The following SSBP3 variants were observed in gnomAD, a reference collection of about 807,000 sequenced individuals.
The protein encoded by SSBP3 is single-stranded DNA-binding protein 3.
A neutral mutation model predicts 69.6 loss-of-function variants in SSBP3; 5 were observed. The ratio of observed to expected loss-of-function variants is 0.07; its 90% CI spans 0.04 to 0.15. The LOEUF is 0.15. Ranked by LOEUF, SSBP3 falls within the 10% of genes least tolerant of loss-of-function variation. The pLI is 1.00. For synonymous variants in SSBP3, 196 were observed against 193.4 expected (o/e 1.01, Z -0.11); for missense variants, 312 against 534.0 (o/e 0.58, Z 4.10).
chr1:54,257,090 T>C, intron 7 of SSBP3, 37 bp downstream of exon 7: 1 of 1,587,378 alleles, frequency 6.3e-7, no homozygotes, highest in Non-Finnish European at 8.6e-7. Flanking sequence ...CAAGGATGGC[T>C]GAGGGAGGGG....
chr1:54,362,771 G>C (rs1646969338), intron 4 of SSBP3, among the ~76,000 whole-genome samples: 1 of 152,194 alleles, frequency 6.6e-6, no homozygotes, highest in African/African-American at 2.4e-5. Flanking sequence ...ACATTTGTCT[G>C]AGCATCTGAG....
intron 4 of SSBP3, among the ~76,000 whole-genome samples, chr1:54,391,948 C>A (rs1207409524): frequency 2.0e-5 from 3 of 152,158 alleles, no homozygotes; most frequent in Non-Finnish European, 4.4e-5. Context: ...GGACAGGCTG[C>A]AAACTCCTCC....
chr1:54,258,175 G>A lies in SSBP3; in HGVS notation c.367-26C>T, dbSNP rs1216432123. ...CTGTGAGGCCAGACAGTAGAGGCAGGTTATAGATCACAGCACATGGAGAAG... is the reference window on the plus strand; with the variant it reads ...CTGTGAGGCCAGACAGTAGAGGCAGATTATAGATCACAGCACATGGAGAAG... On this transcript the variant is annotated intron_variant, in intron 5 of 17. Transcript: ENST00000610401. The surrounding 1 kb of genome is among the most constrained non-coding windows in gnomAD (Gnocchi z 4.5). The A allele has an allele frequency of 8.3e-6, 12 of 1,437,324 alleles. No individual in the cohort carries two copies. The highest frequency in any genetic ancestry group is 9.3e-6 in the Non-Finnish European group (10 of 1,078,842). The allele number at this position is 1,437,324 out of a possible 1,614,324, so 89.0% of individuals were successfully genotyped here. A position where few individuals can be genotyped will look rare whatever the true frequency, so the allele number is the denominator to read the frequency against.
intron 4 of SSBP3, among the ~76,000 whole-genome samples, chr1:54,281,941 A>C (rs1216945705): frequency 6.6e-6 from 1 of 152,054 alleles, no homozygotes; most frequent in East Asian, 1.9e-4. Context: ...TACAAAAAAT[A>C]AAAAATTAGC....
At chr1:54,353,806 C>A (rs1054032532) in intron 4 of SSBP3, among the ~76,000 whole-genome samples, 3 of 152,206 alleles carry the variant, frequency 2.0e-5, no homozygotes, top group African/African-American at 7.2e-5. Context: ...ACCTTCTATA[C>A]CAAGAAACCA....
chr1:54,231,777 C>T (rs1644383045), intron 14 of SSBP3, among the ~76,000 whole-genome samples: 1 of 152,174 alleles, frequency 6.6e-6, no homozygotes, highest in African/African-American at 2.4e-5. Context: ...TCACTGCAAC[C>T]TCCGCCTCCT....
chr1:54,341,397 G>C (rs1326125491), intron 4 of SSBP3, among the ~76,000 whole-genome samples: 1 of 152,118 alleles, frequency 6.6e-6, no homozygotes, highest in Non-Finnish European at 1.5e-5. Context: ...CATACCTTGA[G>C]AAACCTTAAA....
chr1:54,356,066 C>T (rs1288936367), intron 4 of SSBP3, among the ~76,000 whole-genome samples: 2 of 152,210 alleles, frequency 1.3e-5, no homozygotes, highest in African/African-American at 2.4e-5. Context: ...CCAACCCCTA[C>T]ATCTTCTCCA....
At chr1:54,231,945 C>T (rs1352661681) in intron 14 of SSBP3, among the ~76,000 whole-genome samples, 2 of 152,126 alleles carry the variant, frequency 1.3e-5, no homozygotes, top group African/African-American at 2.4e-5. Flanking sequence ...CCACCTGTTT[C>T]GGCCTCCCAA....
chr1:54,255,180 G>A (rs1314532062), intron 7 of SSBP3, among the ~76,000 whole-genome samples: 1 of 151,704 alleles, frequency 6.6e-6, no homozygotes, highest in Admixed American at 6.6e-5. Context: ...TGGTTGGCAG[G>A]GAGGTTGGGA....
intron 4 of SSBP3, among the ~76,000 whole-genome samples, chr1:54,362,433 G>T (rs1375471144): frequency 6.6e-6 from 1 of 152,196 alleles, no homozygotes; most frequent in Non-Finnish European, 1.5e-5. Flanking sequence ...GGGCCCCCAG[G>T]GGTTGCTTTG....
intron 4 of SSBP3, among the ~76,000 whole-genome samples, chr1:54,301,155 G>A (rs1557510981): frequency 6.6e-6 from 1 of 152,186 alleles, no homozygotes; most frequent in Non-Finnish European, 1.5e-5. Context: ...GCAAGGTTAG[G>A]AGAAGACCTG....
chr1:54,293,445 T>C (rs1305335640), intron 4 of SSBP3, among the ~76,000 whole-genome samples: 1 of 152,148 alleles, frequency 6.6e-6, no homozygotes, highest in Non-Finnish European at 1.5e-5. Context: ...ATGCCACCCA[T>C]CGATATGGTA....
At chr1:54,244,190 A>C (rs948222827) in intron 9 of SSBP3, among the ~76,000 whole-genome samples, 1 of 151,224 alleles carries the variant, frequency 6.6e-6, no homozygotes, top group Non-Finnish European at 1.5e-5. Flanking sequence ...TGCAACCTCC[A>C]CCTCCCAGGT....
At position 54,240,596 on chromosome 1, in the gene SSBP3, C is replaced by G. The variant is rs573889970; in HGVS notation, c.856+309G>C. Among the ~76,000 whole-genome samples the G allele has an allele frequency of 5.6e-4, 85 of 152,062 alleles. 1 individual carries two copies. Among genetic ancestry groups the G allele is most frequent in the African/African-American group, 1.9e-3 (78 of 41,488 alleles). ...CCAGGATGGCAGAACCCCAAGGCCC[C>G]TTTTTGAGTCATTTGGGGAAATGCC... On this transcript the variant is annotated intron_variant, in intron 13 of 17. Coordinates refer to ENST00000610401, the Ensembl canonical transcript of SSBP3.
rs771177702 is a variant in SSBP3, at chr1:54,258,166, T to C, written c.367-17A>G. The C allele has an allele frequency of 3.2e-6, 5 of 1,564,178 alleles. No individual in the cohort carries two copies. Among genetic ancestry groups the C allele is most frequent in the South Asian group, 1.2e-5 (1 of 83,874 alleles). ...CGGAGGACCCTGTGAGGCCAGACAG[T>C]AGAGGCAGGTTATAGATCACAGCAC... On this transcript the variant is annotated splice_polypyrimidine_tract_variant and intron_variant, in intron 5 of 17. Coordinates refer to ENST00000610401, the Ensembl canonical transcript of SSBP3. The surrounding 1 kb of genome is among the most constrained non-coding windows in gnomAD (Gnocchi z 4.5).
intron 14 of SSBP3, among the ~76,000 whole-genome samples, chr1:54,233,552 CCCGCCCGGCCAG>C (rs1644426519): frequency 6.8e-6 from 1 of 147,532 alleles, no homozygotes; most frequent in African/African-American, 2.5e-5. Context: ...GGGTAAGCCC[CCCGCCCGGCCAG>C]CCGCCCCGTC....
At chr1:54,243,592 C>T (rs995245267) in intron 9 of SSBP3, among the ~76,000 whole-genome samples, 1 of 152,188 alleles carries the variant, frequency 6.6e-6, no homozygotes, top group African/African-American at 2.4e-5. Context: ...CCTCTCTGGG[C>T]TCCCATGATG....
chr1:54,404,193 A>G (rs1649523283), intron 3 of SSBP3, among the ~76,000 whole-genome samples: 1 of 152,110 alleles, frequency 6.6e-6, no homozygotes, highest in African/African-American at 2.4e-5. Context: ...GGGACAGGCT[A>G]GTTGTAAAAC....
Sources: allele counts gnomAD v4.1 joint callset (sites outside exome capture counted in the v4.1 genomes callset), GRCh38; gene constraint gnomAD v4.1.1; non-coding constraint Gnocchi (gnomAD v3.1); transcripts MANE v1.5; gene names NCBI Gene and HGNC (gene_info 2026-07-23, HGNC 2026-07-21).